ZNF385B: variants seen among roughly 807,000 people sequenced by gnomAD.
The protein encoded by ZNF385B is zinc finger protein 385B.
In ZNF385B, 23 loss-of-function variants were observed where a neutral mutation model predicts 39.2. The observed-to-expected ratio is 0.59, with a 90% CI of 0.42 to 0.83. ZNF385B has a LOEUF of 0.83. Among genes scored for constraint, ZNF385B ranks in the 40% least tolerant of loss-of-function variants. The pLI is 0.00. For missense variants in ZNF385B, 552 were observed against 598.9 expected (o/e 0.92, Z 0.82); for synonymous variants, 205 against 222.6 (o/e 0.92, Z 0.70).
chr2:179,486,621 A>G (rs1051927775), intron 5 of ZNF385B, among the ~76,000 whole-genome samples: 3 of 152,256 alleles, frequency 2.0e-5, no homozygotes, highest in Non-Finnish European at 4.4e-5. Flanking sequence ...TCTGTTGAGT[A>G]AAGAAAGTTC....
At chr2:179,457,605 G>A (rs2050838668) in intron 6 of ZNF385B, among the ~76,000 whole-genome samples, 1 of 151,980 alleles carries the variant, frequency 6.6e-6, no homozygotes, top group Non-Finnish European at 1.5e-5. Context: ...TCTTCTTGTG[G>A]TTTTAATTTG....
chr2:179,479,080 T>G (rs1356837529), intron 6 of ZNF385B, among the ~76,000 whole-genome samples: 1 of 152,182 alleles, frequency 6.6e-6, no homozygotes, highest in Non-Finnish European at 1.5e-5. Flanking sequence ...GATGCATCAT[T>G]AAAAGTTGGG....
chr2:179,683,205 CG>C (rs141954675), intron 3 of ZNF385B, among the ~76,000 whole-genome samples: 7,746 of 151,856 alleles, frequency 0.051, 344 homozygotes, highest in East Asian at 0.16. Context: ...CTGGCCAACA[CG>C]GTGAAACCCT....
intron 6 of ZNF385B, among the ~76,000 whole-genome samples, chr2:179,478,590 G>C (rs972633660): frequency 6.6e-6 from 1 of 152,084 alleles, no homozygotes; most frequent in African/African-American, 2.4e-5. Context: ...GTGGCATTTC[G>C]AATCATTCTA....
At chr2:179,649,359 T>C (rs981075295) in intron 3 of ZNF385B, among the ~76,000 whole-genome samples, 1 of 152,220 alleles carries the variant, frequency 6.6e-6, no homozygotes, top group African/African-American at 2.4e-5. Flanking sequence ...GGATTGGGTA[T>C]AGGATGTATC....
At chr2:179,726,823 A>G (rs1054935915) in intron 3 of ZNF385B, among the ~76,000 whole-genome samples, 48 of 152,086 alleles carry the variant, frequency 3.2e-4, no homozygotes, top group African/African-American at 1.0e-3. Flanking sequence ...TGCACATAGG[A>G]TATCTGTCAG....
intron 3 of ZNF385B, among the ~76,000 whole-genome samples, chr2:179,605,932 C>CATTAATATCTA (rs983684286): frequency 1.3e-5 from 2 of 152,050 alleles, no homozygotes; most frequent in Non-Finnish European, 2.9e-5. Flanking sequence ...TTAAGGTGAA[C>CATTAATATCTA]ATTAATATCT....
At chr2:179,709,938 C>G (rs1235384052) in intron 3 of ZNF385B, among the ~76,000 whole-genome samples, 1 of 152,160 alleles carries the variant, frequency 6.6e-6, no homozygotes, top group Non-Finnish European at 1.5e-5. Context: ...CTGTGTGTGA[C>G]CTACGGCATC....
chr2:179,510,234 T>C (rs2057563528), intron 5 of ZNF385B, among the ~76,000 whole-genome samples: 1 of 152,124 alleles, frequency 6.6e-6, no homozygotes, highest in Non-Finnish European at 1.5e-5. Context: ...TGTGTGTATA[T>C]ATATGTGAAT....
intron 1 of ZNF385B, among the ~76,000 whole-genome samples, chr2:179,822,914 G>A (rs1707485667): frequency 6.6e-6 from 1 of 152,128 alleles, no homozygotes; most frequent in Non-Finnish European, 1.5e-5. Context: ...CTATAAAGAT[G>A]TCAAAGTTCT....
chr2:179,778,479 G>A (rs1007521550), intron 1 of ZNF385B, among the ~76,000 whole-genome samples: 1 of 152,178 alleles, frequency 6.6e-6, no homozygotes, highest in African/African-American at 2.4e-5. Flanking sequence ...GGGGTGGAAG[G>A]CAACATAGGC....
chr2:179,583,978 G>A (rs930130257), intron 3 of ZNF385B: 6 of 1,294,980 alleles, frequency 4.6e-6, no homozygotes, highest in South Asian at 1.2e-5. Context: ...TATTTACCGA[G>A]CATCTGCCAT....
chr2:179,657,345 TCCCAA>T (rs1373620420), intron 3 of ZNF385B, among the ~76,000 whole-genome samples: 1 of 152,208 alleles, frequency 6.6e-6, no homozygotes, highest in Non-Finnish European at 1.5e-5. Flanking sequence ...GTTTGCGTGT[TCCCAA>T]CTGCTATGTG....
At position 179,443,085 on chromosome 2, in the gene ZNF385B, T is replaced by C. The variant is rs981498039; in HGVS notation, c.*165A>G. On this transcript the variant is annotated 3_prime_UTR_variant, in exon 10 of 10. Transcript: ENST00000410066. ...TAGGAGCAGTCTCTAAAAGCCCTCG[T>C]CAATCTAGTGATGTGTTTCTCTCTG... The C allele has an allele frequency of 1.8e-5, 14 of 766,616 alleles. No individual in the cohort carries two copies. Among genetic ancestry groups the C allele is most frequent in the African/African-American group, 1.7e-4 (10 of 58,126 alleles). 47.5% of individuals were successfully genotyped at this position (766,616 alleles called of 1,614,324 possible). A position where few individuals can be genotyped will look rare whatever the true frequency, so the allele number is the denominator to read the frequency against.
chr2:179,573,258 T>C (rs1176690675), intron 3 of ZNF385B, among the ~76,000 whole-genome samples: 3 of 152,180 alleles, frequency 2.0e-5, no homozygotes, highest in East Asian at 3.9e-4. Context: ...TAGATCTGAA[T>C]TATTATCTTT....
intron 1 of ZNF385B, among the ~76,000 whole-genome samples, chr2:179,812,645 A>C (rs903831786): frequency 1.3e-5 from 2 of 152,212 alleles, no homozygotes; most frequent in Non-Finnish European, 2.9e-5. Context: ...CCACTAGAGC[A>C]CAGAGGGAGA....
chr2:179,723,115 A>C (rs1183634361), intron 3 of ZNF385B, among the ~76,000 whole-genome samples: 4 of 152,210 alleles, frequency 2.6e-5, no homozygotes, highest in Non-Finnish European at 5.9e-5. Context: ...GTCAGAGTGT[A>C]AACTGATACT....
chr2:179,582,306 T>G (rs1686618685), intron 3 of ZNF385B, among the ~76,000 whole-genome samples: 1 of 152,174 alleles, frequency 6.6e-6, no homozygotes, highest in African/African-American at 2.4e-5. Flanking sequence ...AGACCCTTAT[T>G]TTTCTAATAA....
At chr2:179,616,101 C>T (rs577201014) in intron 3 of ZNF385B, among the ~76,000 whole-genome samples, 1 of 152,166 alleles carries the variant, frequency 6.6e-6, no homozygotes, top group Non-Finnish European at 1.5e-5. Flanking sequence ...GGTTCAAATC[C>T]TAGAGGCTTA....
Sources: allele counts gnomAD v4.1 joint callset (sites outside exome capture counted in the v4.1 genomes callset), GRCh38; gene constraint gnomAD v4.1.1; transcripts MANE v1.5; gene names NCBI Gene and HGNC (gene_info 2026-07-23, HGNC 2026-07-21).